Variants in NEB observed in about 807,000 individuals in gnomAD.
NEB encodes the protein nemaline myopathy type 2.
Under a neutral mutation model 952.2 loss-of-function variants are expected in NEB, and 512 were observed. The ratio of observed to expected loss-of-function variants is 0.54; its 90% confidence interval spans 0.50 to 0.58. NEB has a LOEUF of 0.58. NEB is among the 20% of genes least tolerant of loss of function. The pLI is 0.00. For synonymous variants in NEB, 2,900 were observed against 3,149.8 expected (o/e 0.92, Z 2.66); for missense variants, 8,428 against 9,231.1 (o/e 0.91, Z 3.56).
chr2:151,656,429 C>T lies in NEB; in HGVS notation c.6219G>A (p.Gly2073=), dbSNP rs960591817. 19 of 1,612,428 alleles carry T rather than the reference C, an allele frequency of 1.2e-5. No individual in the cohort carries two copies. Among genetic ancestry groups the T allele is most frequent in the Non-Finnish European group, 1.4e-5 (16 of 1,179,036 alleles). Residue 2073 remains glycine, a synonymous_variant, in exon 49 of 182, where the codon GGG becomes GGA. Coordinates refer to ENST00000397345, the MANE Select transcript of NEB (RefSeq NM_001164508.2). ...CGAGACTGCGGAAACCAACCATTTT[C>T]CCCTTCCCTTTTTCATAATTGTACT... ...KYKYNYEKGK[G]KMVGFRSLED...
intron 68 of NEB, 131 bp downstream of exon 68, chr2:151,629,408 T>C: frequency 3.8e-6 from 3 of 792,790 alleles, no homozygotes; most frequent in Non-Finnish European, 4.0e-6. Context: ...ATGAAAAACT[T>C]TGAATTTGAA....
intron 170 of NEB, 154 bp downstream of exon 170, chr2:151,498,106 C>G (rs1360455619): frequency 6.7e-7 from 1 of 1,487,940 alleles, no homozygotes; most frequent in Non-Finnish European, 9.0e-7. Context: ...TTGACATTAA[C>G]TGTATTATAG....
At chr2:151,558,554 A>T (rs149396653) in intron 124 of NEB, among the ~76,000 whole-genome samples, 67 of 152,318 alleles carry the variant, frequency 4.4e-4, no homozygotes, top group African/African-American at 1.5e-3. Context: ...AAACTATACT[A>T]CAAGGCTAAA....
At chr2:151,617,635 CAAT>C in intron 74 of NEB, 167 bp from the exon 75 acceptor site, 1 of 521,018 alleles carries the variant, frequency 1.9e-6, no homozygotes, top group Non-Finnish European at 3.3e-6. Context: ...AAAATTCTTT[CAAT>C]AATCTGTTAA....
chr2:151,576,317 A>G lies in NEB; in HGVS notation c.16742T>C (p.Ile5581Thr), dbSNP rs769816965. ...AGGAGACCCTTGGGGCATCCAGCCA[A>G]TGCCACGCAACCACTCCAAGTCAGC... ...YKADLEWLRG[I>T]GWMPQGSPEV... Residue 5581 changes from isoleucine to threonine, a missense_variant, in exon 106 of 182, where the codon ATT (isoleucine) becomes ACT (threonine). Ile to Thr is a moderately conservative substitution (Grantham distance 89). This residue lies in a region of NEB where 3,374 missense variants were observed against 3,651.5 expected (regional missense o/e 0.92). Transcript: ENST00000397345. 3.1e-6 allele frequency: 5 copies of G among 1,609,436 alleles called. No individual in the cohort carries two copies. Among genetic ancestry groups the G allele is most frequent in the Non-Finnish European group, 4.2e-6 (5 of 1,177,108 alleles).
At chr2:151,565,312 A>C (rs2096305657) in intron 116 of NEB, among the ~76,000 whole-genome samples, 164 bp from the exon 117 acceptor site, 1 of 152,226 alleles carries the variant, frequency 6.6e-6, no homozygotes, top group African/African-American at 2.4e-5. Context: ...ATAGGAATAT[A>C]GATATCTAAA....
chr2:151,518,986 ATTCAGGACATGATT>A lies in NEB; in HGVS notation c.22660_22673del (p.Asn7554TyrfsTer15). On this transcript the variant is annotated frameshift_variant, in exon 155 of 182. Coordinates refer to ENST00000397345, the MANE Select transcript of NEB (RefSeq NM_001164508.2). LOFTEE classifies it high-confidence loss of function. ...TTACAGAACTGGCAAGTTGGCTTGT[ATTCAGGACATGATT>A]CATGATCAGAGACTCCTTCATGTCA... 1 of 1,613,218 alleles carries A rather than the reference ATTCAGGACATGATT, an allele frequency of 6.2e-7. No individual in the cohort carries two copies. The highest frequency in any genetic ancestry group is 8.5e-7 in the Non-Finnish European group (1 of 1,179,228).
intron 71 of NEB, 134 bp downstream of exon 71, chr2:151,625,400 C>T (rs1407549025): frequency 3.9e-6 from 2 of 517,738 alleles, no homozygotes; most frequent in Non-Finnish European, 6.7e-6. Context: ...TATGTATATT[C>T]AAGGTAGGGT....
Position 151,565,029 on chromosome 2 carries a change from T to C in NEB, c.18471+15A>G. ...AATTAGAAATTGAGTGGTTATTACA[T>C]AAAAGAGAACTTACAGTACTGTAGA... On this transcript the variant is annotated intron_variant, in intron 117 of 181. Coordinates refer to ENST00000397345, the MANE Select transcript of NEB (RefSeq NM_001164508.2). 6.9e-7 allele frequency: 1 copy of C among 1,457,634 alleles called. No individual in the cohort carries two copies. Among genetic ancestry groups the C allele is most frequent in the South Asian group, 1.3e-5 (1 of 79,466 alleles). The allele number at this position is 1,457,634 out of a possible 1,614,324, so 90.3% of individuals were successfully genotyped here.
intron 77 of NEB, among the ~76,000 whole-genome samples, chr2:151,613,262 A>C (rs2098075078): frequency 6.6e-6 from 1 of 152,218 alleles, no homozygotes; most frequent in South Asian, 2.1e-4. Flanking sequence ...ATTGTTTTCA[A>C]GTTTCTTAGA....
In NEB at chr2:151,549,683, T is replaced by A; in HGVS notation, c.20002A>T (p.Thr6668Ser). 1 of 1,601,370 alleles carries A rather than the reference T, an allele frequency of 6.2e-7. No individual in the cohort carries two copies. Among genetic ancestry groups the A allele is most frequent in the Middle Eastern group, 1.7e-4 (1 of 6,022 alleles). The change falls in exon 130 of 182, where the codon ACT becomes TCT. Residue 6668 changes from threonine (T) to serine (S), a missense_variant. Thr to Ser is a moderately conservative substitution (Grantham distance 58). Coordinates refer to ENST00000397345, the MANE Select transcript of NEB (RefSeq NM_001164508.2). ...LPTGYRLPGD[T>S]PHFKHIKDTR... Reference sequence around the variant, plus strand: ...TCCTTGATGTGTTTGAAGTGAGGAGTGTCACCTGGAAGTCTATATCCAGTG... The same window carrying A: ...TCCTTGATGTGTTTGAAGTGAGGAGAGTCACCTGGAAGTCTATATCCAGTG...
chr2:151,498,891 T>TAGAA (rs1553559252), intron 169 of NEB, among the ~76,000 whole-genome samples: 1 of 150,220 alleles, frequency 6.7e-6, no homozygotes, highest in African/African-American at 2.4e-5. Flanking sequence ...GATAAGGTGC[T>TAGAA]AAAAAAAAGA....
At chr2:151,623,941 CTT>C (rs998617694) in intron 71 of NEB, among the ~76,000 whole-genome samples, 25 of 152,174 alleles carry the variant, frequency 1.6e-4, no homozygotes, top group African/African-American at 5.5e-4. Context: ...GGAGAGAACA[CTT>C]TTAGCTATCA....
At chr2:151,548,439 G>A (rs758391178) in intron 130 of NEB, 24 bp from the exon 131 acceptor site, 2 of 1,419,104 alleles carry the variant, frequency 1.4e-6, no homozygotes, top group Non-Finnish European at 2.0e-6. Flanking sequence ...GTCAGAATGA[G>A]ATCAATGATG....
intron 10 of NEB, among the ~76,000 whole-genome samples, chr2:151,716,498 G>A (rs1014222675): frequency 6.6e-6 from 1 of 152,054 alleles, no homozygotes; most frequent in Non-Finnish European, 1.5e-5. Flanking sequence ...TTTCTGCTTA[G>A]CCTTGGGCAA....
chr2:151,546,471 G>A, intron 133 of NEB, 28 bp from the exon 134 acceptor site: 1 of 1,430,174 alleles, frequency 7.0e-7, no homozygotes, highest in Non-Finnish European at 9.9e-7. Flanking sequence ...AAATATAGCT[G>A]GTCATAAGCA....
At position 151,545,897 on chromosome 2, in the gene NEB, A is replaced by C. The variant is rs780118739; in HGVS notation, c.20568T>G (p.His6856Gln). Reference sequence around the variant, plus strand: ...AGTAAAGCGTCCTTACCTCACTCAGATGTGTCTTCAGTTCTTGCACTTTTC... The same window carrying C: ...AGTAAAGCGTCCTTACCTCACTCAGCTGTGTCTTCAGTTCTTGCACTTTTC... ...EYRKVQELKTHLSELVYRAAG... is the reference protein window; with the variant it reads ...EYRKVQELKTQLSELVYRAAG... Residue 6856 changes from histidine (H) to glutamine (Q), a missense_variant, in exon 135 of 182, where the codon CAT becomes CAG. His to Gln is a conservative substitution (Grantham distance 24). Transcript: ENST00000397345. The C allele has an allele frequency of 6.3e-7, 1 of 1,595,106 alleles. No homozygotes were observed. The highest frequency in any genetic ancestry group is 8.6e-7 in the Non-Finnish European group (1 of 1,165,966).
At chr2:151,612,154 AT>A (rs1205657963) in intron 78 of NEB, 31 bp downstream of exon 78, 3 of 1,595,544 alleles carry the variant, frequency 1.9e-6, no homozygotes, top group Non-Finnish European at 2.6e-6. Flanking sequence ...GGAAGGTATG[AT>A]TCTGGCAACA....
At chr2:151,572,509 A>T (rs1235589404) in intron 107 of NEB, among the ~76,000 whole-genome samples, 1 of 145,000 alleles carries the variant, frequency 6.9e-6, no homozygotes, top group African/African-American at 2.5e-5. Flanking sequence ...TTGAATATTT[A>T]TATATATATA....
Sources: gnomAD v4.1 joint callset for allele counts (sites outside exome capture counted in the v4.1 genomes callset) on GRCh38, gnomAD v4.1.1 for gene constraint, gnomAD v4.1.1 regional missense constraint, MANE v1.5 for transcripts, NCBI Gene and HGNC (gene_info 2026-07-23, HGNC 2026-07-21) for gene names.